PLCE1: variants seen among roughly 807,000 people sequenced by gnomAD.
PLCE1 encodes the protein phospholipase C epsilon 1, also known as 1-phosphatidylinositol 4,5-bisphosphate phosphodiesterase epsilon-1.
PLCE1 carries 119 observed loss-of-function variants against 242.8 expected under a neutral mutation model. That is an observed-to-expected ratio of 0.49 (90% CI 0.42 to 0.57). PLCE1 has a LOEUF of 0.57. Among genes scored for constraint, PLCE1 ranks in the 20% least tolerant of loss-of-function variants. The pLI is 0.00. For synonymous variants in PLCE1, 945 were observed against 1,017.4 expected (o/e 0.93, Z 1.35); for missense variants, 2,441 against 2,788.8 (o/e 0.88, Z 2.81).
At chr10:94,184,079 A>G (rs2048393599) in intron 4 of PLCE1, among the ~76,000 whole-genome samples, 1 of 152,186 alleles carries the variant, frequency 6.6e-6, no homozygotes, top group African/African-American at 2.4e-5. Context: ...GAATTGGCCT[A>G]TTCCTTAGTA....
In PLCE1 at chr10:94,083,700, G is replaced by A. The variant is rs569206829; in HGVS notation, c.1207-48474G>A. On this transcript the variant is annotated intron_variant, in intron 2 of 32. Coordinates refer to ENST00000371380, the MANE Select transcript of PLCE1 (RefSeq NM_016341.4). ...TTCATTTTGATGTTGTGCTCAGTAT[G>A]CCACAATTAAAGAATTATCCTAATT... Among the ~76,000 whole-genome samples, 12 of 152,302 alleles carry A rather than the reference G, an allele frequency of 7.9e-5. No homozygotes were observed. In the South Asian group the frequency reaches 2.5e-3, roughly 32 times the overall value.
At chr10:94,315,900 C>T (rs556294445) in intron 28 of PLCE1, among the ~76,000 whole-genome samples, 1 of 148,658 alleles carries the variant, frequency 6.7e-6, no homozygotes, top group East Asian at 2.0e-4. Flanking sequence ...TTGTGTAGAT[C>T]GGAAAACAGT....
chr10:94,322,073 C>A lies in PLCE1; in HGVS notation c.6501+14C>A. The A allele has an allele frequency of 6.2e-7, 1 of 1,612,338 alleles. No homozygotes were observed. ...GTCATTCAGCAGGTAAAAGCCTCTC[C>A]CTTCCTCACCTGAGTCCTTTCCTCA... is the stretch of plus-strand genomic sequence containing the variant. On this transcript the variant is annotated intron_variant, in intron 30 of 32. Coordinates refer to ENST00000371380, the MANE Select transcript of PLCE1 (RefSeq NM_016341.4).
chr10:94,255,119 T>A, intron 11 of PLCE1, 70 bp downstream of exon 11: 1 of 1,527,446 alleles, frequency 6.5e-7, no homozygotes, highest in Admixed American at 1.7e-5. Flanking sequence ...GGCATATCTT[T>A]ACAGTTGTCT....
intron 11 of PLCE1, 102 bp from the exon 12 acceptor site, chr10:94,258,698 A>G: frequency 7.5e-7 from 1 of 1,342,120 alleles, no homozygotes; most frequent in East Asian, 2.3e-5. Flanking sequence ...AATAACTTGC[A>G]CTCATCCTTT....
chr10:94,082,136 A>G (rs1446301268), intron 2 of PLCE1: 1 of 152,226 alleles, frequency 6.6e-6, no homozygotes, highest in African/African-American at 2.4e-5. Flanking sequence ...TGAGGAATTA[A>G]CAAGTAACTG....
At chr10:94,299,712 C>A (rs993402034) in intron 24 of PLCE1, among the ~76,000 whole-genome samples, 1 of 152,208 alleles carries the variant, frequency 6.6e-6, no homozygotes, top group South Asian at 2.1e-4. Context: ...AGCTCTGGGA[C>A]CAGCTAGCTA....
intron 6 of PLCE1, chr10:94,235,669 T>G (rs1417562652): frequency 2.1e-6 from 2 of 946,812 alleles, no homozygotes; most frequent in Admixed American, 6.2e-5. Flanking sequence ...ATATTTTTTT[T>G]GTTTTAAATT....
At chr10:93,999,568 C>A (rs2060893086) in intron 1 of PLCE1, among the ~76,000 whole-genome samples, 2 of 152,132 alleles carry the variant, frequency 1.3e-5, no homozygotes, top group Admixed American at 1.3e-4. Flanking sequence ...TTTTTTTCTT[C>A]CCCAGAACAC....
intron 1 of PLCE1, among the ~76,000 whole-genome samples, chr10:94,027,929 AT>A (rs2061484173): frequency 6.6e-6 from 1 of 152,174 alleles, no homozygotes; most frequent in Admixed American, 6.5e-5. Flanking sequence ...ACCCAAACCC[AT>A]AGGGCTTCAG....
intron 2 of PLCE1, among the ~76,000 whole-genome samples, chr10:94,076,128 C>CGT (rs1395810483): frequency 6.8e-6 from 1 of 146,828 alleles, no homozygotes; most frequent in African/African-American, 2.6e-5. Context: ...TGTGTGTGTG[C>CGT]GTGCGTGTGT....
chr10:94,215,782 G>GC, intron 4 of PLCE1, among the ~76,000 whole-genome samples: 1 of 152,144 alleles, frequency 6.6e-6, no homozygotes, highest in Non-Finnish European at 1.5e-5. Flanking sequence ...ACAGAGCAAG[G>GC]CATGGTAGCA....
rs1000449783 is a variant in PLCE1 at position 94,032,111 on chromosome 10, C to T, written c.1065C>T (p.His355=). The T allele has an allele frequency of 1.2e-6, 2 of 1,610,966 alleles. No homozygotes were observed. Among genetic ancestry groups the T allele is most frequent in the South Asian group, 1.1e-5 (1 of 90,508 alleles). The stretch of plus-strand genomic sequence containing the variant: ...TTGTGAGAACTCTGCCTTCTGGCCA[C>T]ATTGGGCTGACTGCATGGAGTTACA... ...RAIVRTLPSG[H]IGLTAWSYID... The change falls in exon 2 of 33, where the codon CAC becomes CAT. Residue 355 remains histidine (H), a synonymous_variant. Transcript: ENST00000371380.
intron 7 of PLCE1, among the ~76,000 whole-genome samples, chr10:94,240,561 T>C (rs768823977): frequency 1.1e-4 from 17 of 152,164 alleles, no homozygotes; most frequent in Non-Finnish European, 2.2e-4. Context: ...TTTACTTCTA[T>C]CTTAAAAAAT....
chr10:94,019,565 G>A (rs914122465), intron 1 of PLCE1, among the ~76,000 whole-genome samples: 2 of 152,134 alleles, frequency 1.3e-5, no homozygotes, highest in East Asian at 1.9e-4. Flanking sequence ...AACTTTATGC[G>A]ATGATGGAAA....
At chr10:94,087,402 G>A (rs1474937667) in intron 2 of PLCE1, among the ~76,000 whole-genome samples, 1 of 148,942 alleles carries the variant, frequency 6.7e-6, no homozygotes, top group Non-Finnish European at 1.5e-5. Flanking sequence ...AATGTATTCT[G>A]CAAGGAACCC....
At chr10:94,112,486 T>C (rs2045985451) in intron 2 of PLCE1, among the ~76,000 whole-genome samples, 1 of 152,238 alleles carries the variant, frequency 6.6e-6, no homozygotes, top group African/African-American at 2.4e-5. Flanking sequence ...GTTGAAAACT[T>C]TGGCTGTGTA....
chr10:94,116,383 G>A (rs1483598990), intron 2 of PLCE1, among the ~76,000 whole-genome samples: 1 of 152,190 alleles, frequency 6.6e-6, no homozygotes, highest in African/African-American at 2.4e-5. Context: ...GGAAAAGGTT[G>A]CCAAGTCTGC....
At chr10:94,159,371 G>A (rs1252921369) in intron 3 of PLCE1, among the ~76,000 whole-genome samples, 1 of 152,062 alleles carries the variant, frequency 6.6e-6, no homozygotes, top group Non-Finnish European at 1.5e-5. Context: ...TCACTTCCCT[G>A]TTGAAAGCAA....
Sources: gnomAD v4.1 joint callset for allele counts (sites outside exome capture counted in the v4.1 genomes callset) on GRCh38, gnomAD v4.1.1 for gene constraint, MANE v1.5 for transcripts, NCBI Gene and HGNC (gene_info 2026-07-23, HGNC 2026-07-21) for gene names.